The following SCMH1 variants were observed in gnomAD, a reference collection of about 807,000 sequenced individuals.
The protein encoded by SCMH1 is Scm polycomb group protein homolog 1.
SCMH1 carries 37 observed loss-of-function variants against 70.8 expected under a neutral mutation model. The ratio of observed to expected loss-of-function variants is 0.52; its 90% confidence interval spans 0.40 to 0.69. SCMH1 has a LOEUF of 0.69. SCMH1 is among the 30% of genes least tolerant of loss of function. The probability of loss-of-function intolerance (pLI) is 0.00; values close to 1 mark genes in which losing one functional copy is unlikely to be tolerated. For missense variants in SCMH1, 607 were observed against 827.3 expected (o/e 0.73, Z 3.27); for synonymous variants, 292 against 307.4 (o/e 0.95, Z 0.52).
intron 1 of SCMH1, among the ~76,000 whole-genome samples, chr1:41,226,061 A>G (rs1413191151): frequency 1.3e-5 from 2 of 152,224 alleles, no homozygotes; most frequent in Non-Finnish European, 2.9e-5. Flanking sequence ...TTCATAAGCA[A>G]AATGTTTGTT....
chr1:41,221,722 T>A (rs1659325819), intron 1 of SCMH1, among the ~76,000 whole-genome samples: 1 of 151,060 alleles, frequency 6.6e-6, no homozygotes, highest in Non-Finnish European at 1.5e-5. Context: ...ACCCTATCTC[T>A]ACTAAAAATA....
intron 8 of SCMH1, among the ~76,000 whole-genome samples, chr1:41,087,628 T>C (rs1261785120): frequency 1.3e-5 from 2 of 152,028 alleles, no homozygotes; most frequent in Non-Finnish European, 2.9e-5. Context: ...TTCTCACCCA[T>C]CAGATTGGCA....
Position 41,170,694 on chromosome 1 carries a change from T to C in SCMH1, c.14-9262A>G, listed in dbSNP as rs143742500. The stretch of plus-strand genomic sequence containing the variant: ...ATATCCCTCCTATTATATCCCTCTA[T>C]TTCTTTGCTCTCCTTCACAGGAAAA... On this transcript the variant is annotated intron_variant, in intron 2 of 14. Transcript: ENST00000337495. 2.8e-3 allele frequency among the ~76,000 whole-genome samples: 430 copies of C among 152,336 alleles called. 5 individuals are homozygous for C. The highest frequency in any genetic ancestry group is 9.7e-3 in the African/African-American group (402 of 41,576).
intron 13 of SCMH1, among the ~76,000 whole-genome samples, chr1:41,035,310 G>C (rs934375254): frequency 2.2e-4 from 34 of 151,950 alleles, no homozygotes; most frequent in African/African-American, 8.2e-4. Context: ...TGCTCTACTA[G>C]CTCAGCAAAA....
chr1:41,162,187 C>A (rs1292293248), intron 2 of SCMH1, among the ~76,000 whole-genome samples: 1 of 152,160 alleles, frequency 6.6e-6, no homozygotes, highest in East Asian at 1.9e-4. Flanking sequence ...TCTTGGGGGT[C>A]CAGCCAGGAC....
chr1:41,061,061 G>A (rs1036922327), intron 10 of SCMH1, among the ~76,000 whole-genome samples: 4 of 152,176 alleles, frequency 2.6e-5, no homozygotes, highest in Non-Finnish European at 5.9e-5. Context: ...GACAGTGAAA[G>A]AGATCTGATC....
intron 6 of SCMH1, among the ~76,000 whole-genome samples, chr1:41,133,825 T>C (rs61781828): frequency 0.033 from 5,028 of 152,272 alleles, 144 homozygotes; most frequent in Non-Finnish European, 0.051. Context: ...CAGGACCAGA[T>C]GGATTCATAG....
chr1:41,166,184 T>A (rs1646397283), intron 2 of SCMH1, among the ~76,000 whole-genome samples: 1 of 152,160 alleles, frequency 6.6e-6, no homozygotes, highest in Non-Finnish European at 1.5e-5. Context: ...CTCTCTGTCC[T>A]ATTTCATTGG....
intron 5 of SCMH1, among the ~76,000 whole-genome samples, chr1:41,144,759 C>T (rs1321935536): frequency 1.3e-5 from 2 of 152,164 alleles, no homozygotes; most frequent in African/African-American, 4.8e-5. Flanking sequence ...CTCACCAACA[C>T]TTGCCATTGT....
intron 9 of SCMH1, 64 bp downstream of exon 9, chr1:41,075,155 C>T (rs923050167): frequency 3.0e-5 from 45 of 1,520,608 alleles, no homozygotes; most frequent in Admixed American, 6.7e-5. Flanking sequence ...TGAGCCACGG[C>T]GCCTGGCCGA....
rs373229472 is a variant in SCMH1 at position 41,089,787 on chromosome 1, C to CTTTTT, written c.746-14341_746-14337dup. The stretch of plus-strand genomic sequence containing the variant: ...TTATTCCACTCTAACCATGTTGTCT[C>CTTTTT]TTTTTTTTTTTTTTTTTTTTTTGAG... On this transcript the variant is annotated intron_variant, in intron 8 of 14. Coordinates refer to ENST00000337495, the Ensembl canonical transcript of SCMH1. Among the ~76,000 whole-genome samples the CTTTTT allele has an allele frequency of 4.4e-4, 26 of 58,748 alleles. 2 individuals carry two copies. Among genetic ancestry groups the CTTTTT allele is most frequent in the East Asian group, 6.0e-4 (1 of 1,658 alleles). 38.5% of individuals were successfully genotyped at this position (58,748 alleles called of 152,430 possible).
At chr1:41,200,497 GTAATAATAATAATAATAATATAA>G (rs890459929) in intron 1 of SCMH1, among the ~76,000 whole-genome samples, 1 of 146,278 alleles carries the variant, frequency 6.8e-6, no homozygotes, top group Non-Finnish European at 1.5e-5. Flanking sequence ...ATAAATAAAT[GTAATAATAATAATAATAATATAA>G]TAATAATAAT....
At chr1:41,046,725 G>A (rs1469264438) in intron 11 of SCMH1, 127 bp from the exon 12 acceptor site, 26 of 721,504 alleles carry the variant, frequency 3.6e-5, no homozygotes, top group Non-Finnish European at 6.0e-5. Context: ...AGTGCCCCAC[G>A]TTTCCTCCCT....
At chr1:41,037,498 T>G in exon 13 of SCMH1, 1 of 1,614,190 alleles carries the variant, frequency 6.2e-7, no homozygotes, top group East Asian at 2.2e-5. Flanking sequence ...CTGAGTGTGG[T>G]TCCAAGGAGC....
At chr1:41,198,370 C>T (rs976710482) in intron 1 of SCMH1, among the ~76,000 whole-genome samples, 1 of 152,100 alleles carries the variant, frequency 6.6e-6, no homozygotes, top group Non-Finnish European at 1.5e-5. Context: ...TTCTATCTAC[C>T]CCCACAAAGC....
At chr1:41,173,177 T>C (rs1646897237) in intron 2 of SCMH1, among the ~76,000 whole-genome samples, 1 of 151,996 alleles carries the variant, frequency 6.6e-6, no homozygotes, top group Non-Finnish European at 1.5e-5. Flanking sequence ...GGGAGAAATA[T>C]ATGTAAGCTA....
At chr1:41,104,612 A>G (rs1667414688) in intron 8 of SCMH1, among the ~76,000 whole-genome samples, 1 of 152,214 alleles carries the variant, frequency 6.6e-6, no homozygotes, top group South Asian at 2.1e-4. Flanking sequence ...CAATTATTAC[A>G]TATCAATAAA....
intron 5 of SCMH1, among the ~76,000 whole-genome samples, chr1:41,143,325 T>TA (rs908445448): frequency 1.1e-4 from 17 of 152,074 alleles, no homozygotes; most frequent in African/African-American, 3.9e-4. Context: ...CCATACCAGT[T>TA]AAAAAAAGGA....
chr1:41,197,213 G>A (rs1026877955), intron 1 of SCMH1, among the ~76,000 whole-genome samples: 1 of 152,068 alleles, frequency 6.6e-6, no homozygotes, highest in African/African-American at 2.4e-5. Context: ...TAAAAGAACT[G>A]AAAGCAGGGA....
Sources: allele counts gnomAD v4.1 joint callset (sites outside exome capture counted in the v4.1 genomes callset), GRCh38; gene constraint gnomAD v4.1.1; transcripts MANE v1.5; gene names NCBI Gene and HGNC (gene_info 2026-07-23, HGNC 2026-07-21).